CADM2: variants seen among roughly 807,000 people sequenced by gnomAD.
CADM2 encodes immunoglobulin superfamily member 4D.
A neutral mutation model predicts 49.8 loss-of-function variants in CADM2; 12 were observed. The ratio of observed to expected loss-of-function variants is 0.24; its 90% CI spans 0.15 to 0.39. The LOEUF (loss-of-function observed/expected upper bound fraction) is 0.39. CADM2 is among the 10% of genes least tolerant of loss of function. The pLI is 1.00. For synonymous variants in CADM2, 214 were observed against 175.4 expected (o/e 1.22, Z -1.74); for missense variants, 378 against 492.3 (o/e 0.77, Z 2.20).
At chr3:85,459,213 G>A (rs2038127501) in intron 1 of CADM2, among the ~76,000 whole-genome samples, 1 of 152,094 alleles carries the variant, frequency 6.6e-6, no homozygotes, top group Admixed American at 6.5e-5. Flanking sequence ...TCTTACAGGG[G>A]CAAGATGGCT....
At chr3:85,841,564 T>G (rs1232570181) in intron 3 of CADM2, among the ~76,000 whole-genome samples, 4 of 152,054 alleles carry the variant, frequency 2.6e-5, no homozygotes, top group African/African-American at 9.7e-5. Context: ...TGTTTTAAAC[T>G]AAAGTCTGAT....
intron 3 of CADM2, among the ~76,000 whole-genome samples, chr3:85,824,064 A>T (rs1171926369): frequency 6.6e-6 from 1 of 152,180 alleles, no homozygotes; most frequent in Non-Finnish European, 1.5e-5. Flanking sequence ...TCGCTGTTGT[A>T]ATTTTATTCT....
rs2038888620 is a variant in CADM2, at chr3:85,122,209, ACAATCACTAATCTCTCAGTT to A, written c.61+162542_61+162561del. Among the ~76,000 whole-genome samples the A allele has an allele frequency of 3.9e-5, 6 of 152,264 alleles. No individual in the cohort carries two copies. In the Middle Eastern group the frequency reaches 0.014, roughly 345 times the overall value. On this transcript the variant is annotated intron_variant, in intron 1 of 9. Coordinates refer to ENST00000383699, the MANE Select transcript of CADM2 (RefSeq NM_001167675.2). ...AACCATACACACCCTAATTATACTT[ACAATCACTAATCTCTCAGTT>A]TTAATTGATTCACCAACACATTTCA... is the stretch of plus-strand genomic sequence containing the variant.
In CADM2 at chr3:86,063,446, A is replaced by G. The variant is rs530346891; in HGVS notation, c.971-2159A>G. ...CTTGACAAGGTTTGTTGTTCCCTGAAGAACCTGGATTCTCCTCTATTCATT... is the reference window on the plus strand; with the variant it reads ...CTTGACAAGGTTTGTTGTTCCCTGAGGAACCTGGATTCTCCTCTATTCATT... On this transcript the variant is annotated intron_variant, in intron 8 of 9. Transcript: ENST00000383699. Among the ~76,000 whole-genome samples the G allele has an allele frequency of 2.2e-4, 34 of 152,298 alleles. No homozygotes were observed. The South Asian group carries it at 4.8e-3, about 21-fold the overall frequency.
At chr3:85,752,578 T>A (rs1338344643) in intron 2 of CADM2, among the ~76,000 whole-genome samples, 1 of 152,028 alleles carries the variant, frequency 6.6e-6, no homozygotes, top group Admixed American at 6.6e-5. Flanking sequence ...ATGAAAGGAT[T>A]AAACTTTTGC....
chr3:85,040,361 G>T (rs1415466675), intron 1 of CADM2, among the ~76,000 whole-genome samples: 1 of 152,108 alleles, frequency 6.6e-6, no homozygotes, highest in African/African-American at 2.4e-5. Flanking sequence ...TAGCATGTTT[G>T]TTTATTTGTT....
chr3:85,295,751 G>A (rs1467430009), intron 1 of CADM2, among the ~76,000 whole-genome samples: 1 of 151,978 alleles, frequency 6.6e-6, no homozygotes, highest in Non-Finnish European at 1.5e-5. Context: ...CACAGGAAGG[G>A]GAATATCACA....
chr3:85,018,195 A>G lies in CADM2; in HGVS notation c.61+58527A>G, dbSNP rs534005428. ...AGGAAATATAGCTTAATGGAAGAAC[A>G]TAGAGTTTCATATCAGGAATCAGGA... On this transcript the variant is annotated intron_variant, in intron 1 of 9. Transcript: ENST00000383699. Among the ~76,000 whole-genome samples the G allele has an allele frequency of 3.7e-4, 57 of 152,316 alleles. No homozygotes were observed. The South Asian group carries it at 3.9e-3, about 11-fold the overall frequency.
intron 1 of CADM2, among the ~76,000 whole-genome samples, chr3:85,315,436 T>C (rs2044442970): frequency 6.6e-6 from 1 of 152,098 alleles, no homozygotes; most frequent in African/African-American, 2.4e-5. Flanking sequence ...GAAAACCCAG[T>C]ATAAGAAAAA....
At chr3:85,040,428 T>C (rs1279404114) in intron 1 of CADM2, among the ~76,000 whole-genome samples, 1 of 152,064 alleles carries the variant, frequency 6.6e-6, no homozygotes, top group East Asian at 1.9e-4. Flanking sequence ...GCAACTGAAG[T>C]GATAGAAACT....
intron 1 of CADM2, among the ~76,000 whole-genome samples, chr3:85,279,847 T>A (rs571933849): frequency 6.6e-6 from 1 of 151,798 alleles, no homozygotes; most frequent in African/African-American, 2.4e-5. Context: ...GACAGATATT[T>A]GTTCAAGTAG....
intron 1 of CADM2, among the ~76,000 whole-genome samples, chr3:85,316,348 G>T (rs559476049): frequency 5.3e-5 from 8 of 152,248 alleles, no homozygotes; most frequent in African/African-American, 1.7e-4. Flanking sequence ...TGATTAAATT[G>T]TGAAGCAGAA....
At chr3:85,249,179 A>C (rs1662749574) in intron 1 of CADM2, among the ~76,000 whole-genome samples, 1 of 152,092 alleles carries the variant, frequency 6.6e-6, no homozygotes, top group Non-Finnish European at 1.5e-5. Context: ...TTGTAGTTTA[A>C]TTAGTTCAAA....
chr3:85,279,304 T>A (rs181008083), intron 1 of CADM2, among the ~76,000 whole-genome samples: 106 of 151,622 alleles, frequency 7.0e-4, no homozygotes, highest in African/African-American at 2.5e-3. Context: ...ATTGTAATAG[T>A]GGATCAGTGA....
At chr3:85,705,427 G>A (rs1262737651) in intron 1 of CADM2, among the ~76,000 whole-genome samples, 1 of 152,134 alleles carries the variant, frequency 6.6e-6, no homozygotes, top group Non-Finnish European at 1.5e-5. Flanking sequence ...ATTAGTAAAT[G>A]ATGAGGATTG....
At chr3:85,567,244 A>G (rs2062292873) in intron 1 of CADM2, among the ~76,000 whole-genome samples, 1 of 152,206 alleles carries the variant, frequency 6.6e-6, no homozygotes, top group African/African-American at 2.4e-5. Context: ...CTGCTGCATT[A>G]TCGAGCAGAT....
chr3:85,384,627 G>A (rs1182426350), intron 1 of CADM2, among the ~76,000 whole-genome samples: 1 of 151,056 alleles, frequency 6.6e-6, no homozygotes, highest in African/African-American at 2.4e-5. Context: ...TTTTCTTATT[G>A]GTCAGAAGCT....
intron 1 of CADM2, among the ~76,000 whole-genome samples, chr3:85,410,097 G>C (rs988861112): frequency 2.0e-5 from 3 of 152,100 alleles, no homozygotes; most frequent in Admixed American, 2.0e-4. Context: ...AGGAATACAG[G>C]CTGCCAAGTT....
At chr3:84,984,132 C>T (rs912351814) in intron 1 of CADM2, among the ~76,000 whole-genome samples, 1 of 150,580 alleles carries the variant, frequency 6.6e-6, no homozygotes, top group Non-Finnish European at 1.5e-5. Flanking sequence ...AATTAATAAA[C>T]TAAATCTAGA....
Sources: allele counts gnomAD v4.1 joint callset (sites outside exome capture counted in the v4.1 genomes callset), GRCh38; gene constraint gnomAD v4.1.1; transcripts MANE v1.5; gene names NCBI Gene and HGNC (gene_info 2026-07-23, HGNC 2026-07-21).